Variants in LARGE1 observed in about 807,000 individuals in gnomAD.
LARGE1 encodes LARGE xylosyl- and glucuronyltransferase 1.
In LARGE1, 43 loss-of-function variants were observed where a neutral mutation model predicts 87.6. The observed-to-expected ratio is 0.49, with a 90% CI of 0.38 to 0.63. LARGE1 has a LOEUF of 0.63. LARGE1 is among the 30% of genes least tolerant of loss of function. The pLI is 0.00. For missense variants in LARGE1, 802 were observed against 1,000.2 expected (o/e 0.80, Z 2.67); for synonymous variants, 434 against 394.6 (o/e 1.10, Z -1.18).
At chr22:33,755,781 G>A (rs976983984) in intron 2 of LARGE1, among the ~76,000 whole-genome samples, 2 of 152,128 alleles carry the variant, frequency 1.3e-5, no homozygotes, top group African/African-American at 4.8e-5. Flanking sequence ...CATTCACTAA[G>A]GACACATTAG....
chr22:33,845,233 T>G (rs1328762515), intron 1 of LARGE1, among the ~76,000 whole-genome samples: 3 of 152,216 alleles, frequency 2.0e-5, no homozygotes, highest in Non-Finnish European at 4.4e-5. Flanking sequence ...ATTAGGGAAC[T>G]AGATCATCTT....
chr22:33,155,955 G>A, the LARGE1 span, among the ~76,000 whole-genome samples: 1 of 122,012 alleles, frequency 8.2e-6, no homozygotes, highest in Non-Finnish European at 1.8e-5. Context: ...TTGCTTCAGA[G>A]GGTGGAAGCC....
intron 2 of LARGE1, among the ~76,000 whole-genome samples, chr22:33,686,542 CAAAAAAA>C (rs532082764): frequency 2.9e-4 from 13 of 45,550 alleles, no homozygotes; most frequent in East Asian, 6.1e-4. Context: ...GACTCCATCT[CAAAAAAA>C]AAAAAAAAAA....
intron 1 of LARGE1, among the ~76,000 whole-genome samples, chr22:33,842,286 A>G (rs973736996): frequency 1.3e-5 from 2 of 152,230 alleles, no homozygotes; most frequent in African/African-American, 4.8e-5. Flanking sequence ...CTATTCAGCT[A>G]GAGATTAGAA....
chr22:33,183,427 A>C (rs58641502), intron 11 of LARGE1, among the ~76,000 whole-genome samples: 22,028 of 152,108 alleles, frequency 0.14, 1,651 homozygotes, highest in East Asian at 0.21. Flanking sequence ...GAAATTCTTC[A>C]AAAAAATTAA....
At chr22:33,136,330 A>G in the LARGE1 span, among the ~76,000 whole-genome samples, 2 of 152,184 alleles carry the variant, frequency 1.3e-5, no homozygotes, top group Admixed American at 1.3e-4. Flanking sequence ...CACATCTTAC[A>G]TGGCAGCAGA....
At chr22:33,144,052 A>T in the LARGE1 span, among the ~76,000 whole-genome samples, 2 of 151,634 alleles carry the variant, frequency 1.3e-5, no homozygotes, top group Non-Finnish European at 2.9e-5. Context: ...ATTTTCTTTG[A>T]TTCTGTTTTC....
At chr22:33,534,743 A>G (rs1034338705) in intron 6 of LARGE1, among the ~76,000 whole-genome samples, 2 of 152,316 alleles carry the variant, frequency 1.3e-5, no homozygotes, top group Admixed American at 1.3e-4. Context: ...TAGAATCAAC[A>G]ACACAACCAG....
chr22:33,346,857 G>GA (rs1446470317), intron 9 of LARGE1, among the ~76,000 whole-genome samples: 1 of 152,182 alleles, frequency 6.6e-6, no homozygotes, highest in Non-Finnish European at 1.5e-5. Context: ...CTTGCAGCCA[G>GA]GGGTGGCCAC....
intron 1 of LARGE1, among the ~76,000 whole-genome samples, chr22:33,881,009 T>C (rs1270993780): frequency 6.6e-6 from 1 of 152,212 alleles, no homozygotes; most frequent in Non-Finnish European, 1.5e-5. Context: ...TCTTACAAAC[T>C]GTCCTCCTCC....
rs1934567480 is a variant in LARGE1 at position 33,304,300 on chromosome 22, G to A, written c.1659C>T (p.His553=). 6.2e-7 allele frequency: 1 copy of A among 1,614,156 alleles called. No homozygotes were observed. The highest frequency in any genetic ancestry group is 1.3e-5 in the African/African-American group (1 of 74,960). Residue 553 remains histidine (H), a synonymous_variant, in exon 12 of 15, where the codon CAC becomes CAT. Transcript: ENST00000397394. ...VNLLRNVAMK[H]ISTPYMFLSD... is the part of the protein sequence containing the mutation. Reference sequence around the variant, plus strand: ...ACAGGAACATGTAGGGAGTGCTGATGTGCTTCATGGCCACGTTGCGCAGCA... The same window carrying A: ...ACAGGAACATGTAGGGAGTGCTGATATGCTTCATGGCCACGTTGCGCAGCA...
At chr22:33,509,354 G>A (rs188256777) in intron 6 of LARGE1, among the ~76,000 whole-genome samples, 7 of 152,254 alleles carry the variant, frequency 4.6e-5, no homozygotes, top group African/African-American at 1.4e-4. Context: ...AATGGAGGCA[G>A]TGCAACAAAA....
intron 2 of LARGE1, among the ~76,000 whole-genome samples, chr22:33,666,182 A>C (rs1457273318): frequency 2.0e-5 from 3 of 152,234 alleles, no homozygotes; most frequent in Non-Finnish European, 4.4e-5. Context: ...AACTTGGTGC[A>C]GAAAGATGAA....
chr22:33,316,759 AAAAC>A (rs1365777412), intron 10 of LARGE1, among the ~76,000 whole-genome samples: 1 of 152,134 alleles, frequency 6.6e-6, no homozygotes, highest in East Asian at 1.9e-4. Context: ...AACAAAGAAA[AAAAC>A]AAAAAAAAGA....
chr22:33,439,355 G>A (rs1193546079), intron 6 of LARGE1, among the ~76,000 whole-genome samples: 1 of 152,120 alleles, frequency 6.6e-6, no homozygotes, highest in Non-Finnish European at 1.5e-5. Context: ...ACATTTAGGT[G>A]CATAGACTGG....
At chr22:33,553,885 C>A (rs2077600609) in intron 6 of LARGE1, among the ~76,000 whole-genome samples, 1 of 152,144 alleles carries the variant, frequency 6.6e-6, no homozygotes, top group Non-Finnish European at 1.5e-5. Flanking sequence ...CTCCAGCTCA[C>A]CTCCGTGAGA....
chr22:33,110,886 A>G, the LARGE1 span, among the ~76,000 whole-genome samples: 3 of 152,192 alleles, frequency 2.0e-5, no homozygotes, highest in Non-Finnish European at 4.4e-5. Flanking sequence ...TTTCTTTCAT[A>G]ATAAATATGT....
the LARGE1 span, among the ~76,000 whole-genome samples, chr22:33,133,628 C>A: frequency 6.6e-6 from 1 of 152,098 alleles, no homozygotes; most frequent in Non-Finnish European, 1.5e-5. Flanking sequence ...TGAATAGTAC[C>A]GCAATAAACA....
At chr22:33,428,660 T>C (rs1163262592) in intron 7 of LARGE1, among the ~76,000 whole-genome samples, 2 of 143,880 alleles carry the variant, frequency 1.4e-5, no homozygotes, top group Non-Finnish European at 3.0e-5. Context: ...CGGTGGCTCA[T>C]GCCTGTAATC....
Sources: allele counts gnomAD v4.1 joint callset (sites outside exome capture counted in the v4.1 genomes callset), GRCh38; gene constraint gnomAD v4.1.1; transcripts MANE v1.5; gene names NCBI Gene and HGNC (gene_info 2026-07-23, HGNC 2026-07-21).